Variants in PCNX3 observed in about 807,000 individuals in gnomAD.
The protein encoded by PCNX3 is pecanex-like protein 3.
PCNX3 carries 58 observed loss-of-function variants against 207.2 expected under a neutral mutation model. The observed-to-expected ratio is 0.28, with a 90% CI of 0.23 to 0.35. The LOEUF is 0.35. PCNX3 is among the 10% of genes least tolerant of loss of function. The probability of loss-of-function intolerance (pLI) is 1.00; values close to 1 mark genes in which losing one functional copy is unlikely to be tolerated. For synonymous variants in PCNX3, 1,337 were observed against 1,183.5 expected (o/e 1.13, Z -2.66); for missense variants, 2,410 against 2,774.4 (o/e 0.87, Z 2.95).
Position 65,616,807 on chromosome 11 carries a change from C to A in PCNX3, c.154-17C>A. The A allele has an allele frequency of 6.2e-7, 1 of 1,604,096 alleles. No homozygotes were observed. The highest frequency in any genetic ancestry group is 1.7e-5 in the Admixed American group (1 of 59,764). On this transcript the variant is annotated splice_polypyrimidine_tract_variant and intron_variant, in intron 1 of 34. Coordinates refer to ENST00000355703, the MANE Select transcript of PCNX3 (RefSeq NM_032223.4). ...CGAGGCTTTGTGAAAAGGGACCTGG[C>A]TTACTTTCATCTTCAGGTCCTGCCT... is the stretch of plus-strand genomic sequence containing the variant.
Position 65,617,920 on chromosome 11 carries a change from GT to G in PCNX3, c.578-17del. On this transcript the variant is annotated intron_variant, in intron 5 of 34. Coordinates refer to ENST00000355703, the MANE Select transcript of PCNX3 (RefSeq NM_032223.4). ...GCAGAAAACCCTTTTTTCATTTTCT[GT>G]TTCCCTTTATTTTGGCAGTTGGAGA... The G allele has an allele frequency of 6.4e-7, 1 of 1,560,868 alleles. No homozygotes were observed. The highest frequency in any genetic ancestry group is 8.6e-7 in the Non-Finnish European group (1 of 1,156,120).
intron 12 of PCNX3, 82 bp from the exon 13 acceptor site, chr11:65,623,847 T>C: frequency 6.3e-7 from 1 of 1,592,400 alleles, no homozygotes; most frequent in Non-Finnish European, 8.6e-7. Flanking sequence ...AACTGCCTAG[T>C]GGTGGAGCTG....
At position 65,618,665 on chromosome 11, in the gene PCNX3, A is replaced by G. The variant is rs1854891842; in HGVS notation, c.1303A>G (p.Ser435Gly). The change falls in exon 6 of 35, where the codon AGT (serine) becomes GGT (glycine). Residue 435 changes from serine (S) to glycine (G), a missense_variant. By Grantham distance (56) the Ser-to-Gly change is moderately conservative (BLOSUM62 0). Transcript: ENST00000355703. Reference sequence around the variant, plus strand: ...GGGCAGTGAACTGAGCCCGGCCTCCAGTCTCCGATCGCAGCGCCGCTACAG... The same window carrying G: ...GGGCAGTGAACTGAGCCCGGCCTCCGGTCTCCGATCGCAGCGCCGCTACAG... ...SEGSELSPAS[S>G]LRSQRRYSTD... 1.2e-6 allele frequency: 2 copies of G among 1,613,284 alleles called. No individual in the cohort carries two copies. The highest frequency in any genetic ancestry group is 2.2e-5 in the East Asian group (1 of 44,864).
Position 65,635,301 on chromosome 11 carries a change from C to T in PCNX3, c.5037C>T (p.Ile1679=), listed in dbSNP as rs781101425. Residue 1679 remains isoleucine, a synonymous_variant, in exon 31 of 35, where the codon ATC becomes ATT. Coordinates refer to ENST00000355703, the MANE Select transcript of PCNX3 (RefSeq NM_032223.4). The surrounding 1 kb of genome is among the most constrained non-coding windows in gnomAD (Gnocchi z 9.9). ...AIAANEERLV[I]SHEGDPAWRS... ...CGGCCAACGAGGAGCGGCTGGTCAT[C>T]TCACATGAGGGTGACCCAGCATGGC... 53 of 1,598,000 alleles carry T rather than the reference C, an allele frequency of 3.3e-5. No individual in the cohort carries two copies. Among genetic ancestry groups the T allele is most frequent in the Non-Finnish European group, 4.2e-5 (49 of 1,173,350 alleles).
Position 65,625,093 on chromosome 11 carries a change from C to G in PCNX3, c.2919+77C>G. ...GGGCGGGGCTGTGAACTGGGCTCAG[C>G]AGTGGCTTCTCACACGGGGGCAGCC... On this transcript the variant is annotated intron_variant, in intron 16 of 34. Transcript: ENST00000355703. This position sits in a 1 kb window ranked among gnomAD's most constrained non-coding sequence, Gnocchi z 5.6. 1 of 1,555,122 alleles carries G rather than the reference C, an allele frequency of 6.4e-7. No individual in the cohort carries two copies. The highest frequency in any genetic ancestry group is 1.4e-5 in the African/African-American group (1 of 73,762).
chr11:65,636,919 G>T lies in PCNX3; in HGVS notation c.6046G>T (p.Ala2016Ser). Reference sequence around the variant, plus strand: ...TATGGGTGCCCTGGGCGACTGGCCTGCCCCTATTGAGGAGCGTGAGAGCCC... The same window carrying T: ...TATGGGTGCCCTGGGCGACTGGCCTTCCCCTATTGAGGAGCGTGAGAGCCC... ...TPMGALGDWP[A>S]PIEERESPAA... Residue 2016 changes from alanine (A) to serine (S), a missense_variant, in exon 35 of 35, where the codon GCC becomes TCC. Around this residue, in one of 8 missense-constraint regions of PCNX3, gnomAD observed 278 missense variants for 245.1 expected, o/e 1.13. Transcript: ENST00000355703. 6.4e-7 allele frequency: 1 copy of T among 1,561,580 alleles called. No homozygotes were observed. Among genetic ancestry groups the T allele is most frequent in the South Asian group, 1.2e-5 (1 of 84,810 alleles).
chr11:65,616,543 C>T lies in PCNX3; in HGVS notation c.153+79C>T, dbSNP rs528638889. On this transcript the variant is annotated intron_variant, in intron 1 of 34. Coordinates refer to ENST00000355703, the MANE Select transcript of PCNX3 (RefSeq NM_032223.4). ...CAGGGATTCAGGGCAGTGCCCTGGGCTCTGGGACGTGGAGAGAGAGGAATC... is the reference window on the plus strand; with the variant it reads ...CAGGGATTCAGGGCAGTGCCCTGGGTTCTGGGACGTGGAGAGAGAGGAATC... The T allele has an allele frequency of 3.5e-6, 5 of 1,444,128 alleles. No individual in the cohort carries two copies. In the African/African-American group the frequency reaches 5.6e-5, roughly 16 times the overall value. The allele number at this position is 1,444,128 out of a possible 1,614,324, so 89.5% of individuals were successfully genotyped here. A position where few individuals can be genotyped will look rare whatever the true frequency, so the allele number is the denominator to read the frequency against.
At chr11:65,626,374 C>T (rs1855391961) in intron 20 of PCNX3, 3 of 547,940 alleles carry the variant, frequency 5.5e-6, no homozygotes, top group African/African-American at 1.9e-5. Flanking sequence ...CACTGATCAC[C>T]AGTGGACCAG....
At chr11:65,626,251 G>A in intron 20 of PCNX3, 197 bp downstream of exon 20, 1 of 785,652 alleles carries the variant, frequency 1.3e-6, no homozygotes, top group Non-Finnish European at 2.2e-6. Flanking sequence ...CTCGTGCCCT[G>A]CTGTGCCCTT....
In PCNX3 at chr11:65,620,836, G is replaced by C; in HGVS notation, c.2105G>C (p.Arg702Pro). Residue 702 changes from arginine to proline, a missense_variant, in exon 10 of 35, where the codon CGA (arginine) becomes CCA (proline). By Grantham distance (103) the Arg-to-Pro change is moderately radical. Around this residue, in one of 8 missense-constraint regions of PCNX3, gnomAD observed 1,104 missense variants for 970.3 expected, o/e 1.14. Coordinates refer to ENST00000355703, the MANE Select transcript of PCNX3 (RefSeq NM_032223.4). ...GATGGCTGCTGTTCTCACAGGGACC[G>C]ACACTCGCATTCCTCCAGCTTCCAC... is the stretch of plus-strand genomic sequence containing the variant. Reference protein sequence around the residue: ...GEQTANGAWDRHSHSSSFHSA... With the variant: ...GEQTANGAWDPHSHSSSFHSA... 1 of 1,595,888 alleles carries C rather than the reference G, an allele frequency of 6.3e-7. No homozygotes were observed.
chr11:65,621,324 CTG>C (rs146400520), intron 10 of PCNX3, among the ~76,000 whole-genome samples: 5,216 of 152,288 alleles, frequency 0.034, 291 homozygotes, highest in African/African-American at 0.12. Context: ...CCTGCATACA[CTG>C]TGCACGTGTG....
In PCNX3 at chr11:65,627,256, TAAGA is replaced by T. The variant is rs1855440320; in HGVS notation, c.3525-148_3525-145del. ...CCACTCCCTTTGGAAGAGCAGAGAC[TAAGA>T]GTCACGGGCCCAAAAGAGCAGGGAC... On this transcript the variant is annotated intron_variant, in intron 21 of 34. Coordinates refer to ENST00000355703, the MANE Select transcript of PCNX3 (RefSeq NM_032223.4). The T allele has an allele frequency of 6.9e-5, 79 of 1,139,088 alleles. No individual in the cohort carries two copies. In the South Asian group the frequency reaches 1.2e-3, roughly 18 times the overall value. The allele number at this position is 1,139,088 out of a possible 1,614,324, so 70.6% of individuals were successfully genotyped here.
chr11:65,636,023 C>T (rs1855818061), intron 32 of PCNX3, 151 bp from the exon 33 acceptor site: 2 of 1,302,512 alleles, frequency 1.5e-6, no homozygotes, highest in Non-Finnish European at 2.1e-6. Context: ...CCTCAAAAGA[C>T]TCTGCAAAGT....
At position 65,616,220 on chromosome 11, in the gene PCNX3, C is replaced by G. The variant is rs1854719140; in HGVS notation, c.-92C>G. On this transcript the variant is annotated 5_prime_UTR_variant, in exon 1 of 35. Coordinates refer to ENST00000355703, the MANE Select transcript of PCNX3 (RefSeq NM_032223.4). Reference sequence around the variant, plus strand: ...CCATGGCGTGAGCGTGAGGCCGGGCCCCGGGGCCCTCAGGCGCCAGACGGG... The same window carrying G: ...CCATGGCGTGAGCGTGAGGCCGGGCGCCGGGGCCCTCAGGCGCCAGACGGG... 6 of 1,105,254 alleles carry G rather than the reference C, an allele frequency of 5.4e-6. No individual in the cohort carries two copies. Among genetic ancestry groups the G allele is most frequent in the Middle Eastern group, 3.1e-4 (1 of 3,220 alleles). 68.5% of individuals were successfully genotyped at this position (1,105,254 alleles called of 1,614,324 possible). A position where few individuals can be genotyped will look rare whatever the true frequency, so the allele number is the denominator to read the frequency against.
In PCNX3 at chr11:65,624,238, G is replaced by C. The variant is rs1164968903; in HGVS notation, c.2588G>C (p.Cys863Ser). 1 of 1,607,834 alleles carries C rather than the reference G, an allele frequency of 6.2e-7. No homozygotes were observed. Among genetic ancestry groups the C allele is most frequent in the Admixed American group, 1.7e-5 (1 of 59,418 alleles). Residue 863 changes from cysteine to serine, a missense_variant, in exon 14 of 35, where the codon TGC (cysteine) becomes TCC (serine). Cys to Ser is a moderately radical substitution (Grantham distance 112, BLOSUM62 -1). Around this residue, in one of 8 missense-constraint regions of PCNX3, gnomAD observed 177 missense variants for 257.5 expected, o/e 0.69. Transcript: ENST00000355703. The part of the protein sequence containing the change: ...VIAYSRPVYF[C>S]ICCLLIWLLD... ...GCGTACAGCCGTCCTGTCTACTTCTGCATCTGCTGTCTGCTCATCTGGCTG... is the reference window on the plus strand; with the variant it reads ...GCGTACAGCCGTCCTGTCTACTTCTCCATCTGCTGTCTGCTCATCTGGCTG...
At chr11:65,626,586 C>G in intron 20 of PCNX3, 1 of 457,096 alleles carries the variant, frequency 2.2e-6, no homozygotes, top group East Asian at 4.5e-5. Context: ...TTAGAAGGGC[C>G]CAGCTCACGG....
intron 11 of PCNX3, 47 bp downstream of exon 11, chr11:65,622,413 A>G: frequency 1.9e-6 from 3 of 1,558,990 alleles, no homozygotes; most frequent in Non-Finnish European, 2.6e-6. Context: ...AAGCCCCTGG[A>G]CCTTGGCTCC....
At chr11:65,628,977 C>G in intron 24 of PCNX3, 29 bp downstream of exon 24, 1 of 1,607,484 alleles carries the variant, frequency 6.2e-7, no homozygotes, top group East Asian at 2.2e-5. Context: ...GGGAGCATGC[C>G]CAGCAGGGCA....
chr11:65,617,187 G>T, intron 2 of PCNX3, 63 bp from the exon 3 acceptor site: 1 of 1,472,536 alleles, frequency 6.8e-7, no homozygotes, highest in East Asian at 2.5e-5. Context: ...TGACAAAGAT[G>T]GGAGGAAGTA....
Sources: gnomAD v4.1 joint callset for allele counts (sites outside exome capture counted in the v4.1 genomes callset) on GRCh38, gnomAD v4.1.1 for gene constraint, gnomAD v4.1.1 regional missense constraint, Gnocchi (gnomAD v3.1) non-coding constraint, MANE v1.5 for transcripts, NCBI Gene and HGNC (gene_info 2026-07-23, HGNC 2026-07-21) for gene names.